NHEJ1: variants seen among roughly 807,000 people sequenced by gnomAD.
NHEJ1 encodes non-homologous end joining factor 1, also known as non-homologous end-joining factor 1.
NHEJ1 carries 22 observed loss-of-function variants against 39.4 expected under a neutral mutation model. That is an observed-to-expected ratio of 0.56 (90% CI 0.40 to 0.80). NHEJ1 has a LOEUF of 0.80. Ranked by LOEUF, NHEJ1 falls within the 30% of genes least tolerant of loss-of-function variation. The probability of loss-of-function intolerance (pLI) is 0.00; values close to 1 mark genes in which losing one functional copy is unlikely to be tolerated. For synonymous variants in NHEJ1, 154 were observed against 135.6 expected (o/e 1.14, Z -0.94); for missense variants, 329 against 357.1 (o/e 0.92, Z 0.63).
Position 219,152,789 on chromosome 2 carries a change from T to TTATTTTTATTTATTTATTTATTTA in NHEJ1, c.390+4682_390+4683insTAAATAAATAAATAAATAAAAATA, listed in dbSNP as rs60094718. Among the ~76,000 whole-genome samples, 13 of 87,784 alleles carry TTATTTTTATTTATTTATTTATTTA rather than the reference T, an allele frequency of 1.5e-4. No individual in the cohort carries two copies. The East Asian group carries it at 2.0e-3, about 13-fold the overall frequency. The allele number at this position is 87,784 out of a possible 152,430, so 57.6% of individuals were successfully genotyped here. ...GGATCTCTTTCATTTATTTATTTAT[T>TTATTTTTATTTATTTATTTATTTA]TTTATTTATTTATTTATTTATTTAT... is the stretch of plus-strand genomic sequence containing the variant. On this transcript the variant is annotated intron_variant, in intron 3 of 7. Transcript: ENST00000356853.
At chr2:219,127,516 C>T (rs1009563333) in intron 5 of NHEJ1, among the ~76,000 whole-genome samples, 5 of 152,218 alleles carry the variant, frequency 3.3e-5, no homozygotes, top group African/African-American at 1.2e-4. Context: ...AGTAACCCTG[C>T]CAGTAATCCA....
At chr2:219,114,666 T>C (rs958083349) in intron 5 of NHEJ1, among the ~76,000 whole-genome samples, 3 of 152,186 alleles carry the variant, frequency 2.0e-5, no homozygotes, top group Non-Finnish European at 4.4e-5. Flanking sequence ...GGGAGCAGAC[T>C]GCAAGCACGA....
In NHEJ1 at chr2:219,159,600, TGCATATATATACATATAC is replaced by T. The variant is rs1559206453; in HGVS notation, c.-1+1102_-1+1119del. Among the ~76,000 whole-genome samples the T allele has an allele frequency of 7.3e-4, 102 of 140,172 alleles. 2 individuals carry two copies. Among genetic ancestry groups the T allele is most frequent in the Middle Eastern group, 3.7e-3 (1 of 270 alleles). The allele number at this position is 140,172 out of a possible 152,430, so 92.0% of individuals were successfully genotyped here. A position where few individuals can be genotyped will look rare whatever the true frequency, so the allele number is the denominator to read the frequency against. On this transcript the variant is annotated intron_variant, in intron 1 of 7. Coordinates refer to ENST00000356853, the MANE Select transcript of NHEJ1 (RefSeq NM_024782.3). ...GCATATATATATGCATATATATATA[TGCATATATATACATATAC>T]GTGGTGATCTTTCTTTATGGCATCC...
rs1015740485 is a variant in NHEJ1 at position 219,074,674 on chromosome 2, G to A, written c.*1707C>T. ...GGAGAATCACTTGAACACAGGAGGT[G>A]GAGTTTGCAGTGAGCCAAAATTGTG... On this transcript the variant is annotated 3_prime_UTR_variant, in exon 8 of 8. Coordinates refer to ENST00000356853, the MANE Select transcript of NHEJ1 (RefSeq NM_024782.3). 5.3e-5 allele frequency among the ~76,000 whole-genome samples: 8 copies of A among 151,828 alleles called. No homozygotes were observed. The highest frequency in any genetic ancestry group is 1.3e-4 in the Admixed American group (2 of 15,254).
chr2:219,069,962 GAGAT>G lies in NHEJ1; in HGVS notation c.*6415_*6418del, dbSNP rs1948941557. 2.0e-5 allele frequency among the ~76,000 whole-genome samples: 3 copies of G among 152,222 alleles called. No individual in the cohort carries two copies. The highest frequency in any genetic ancestry group is 2.0e-4 in the Admixed American group (3 of 15,294). On this transcript the variant is annotated 3_prime_UTR_variant, in exon 8 of 8. Coordinates refer to ENST00000356853, the MANE Select transcript of NHEJ1 (RefSeq NM_024782.3). ...GGCTTGTAGGAAATGTATTGGGAATGAGATAGAGAAATCCACATTCAACAAGAAA... is the reference window on the plus strand; with the variant it reads ...GGCTTGTAGGAAATGTATTGGGAATGAGAGAAATCCACATTCAACAAGAAA...
chr2:219,092,789 G>A (rs1039485421), intron 5 of NHEJ1, among the ~76,000 whole-genome samples: 6 of 152,190 alleles, frequency 3.9e-5, no homozygotes, highest in African/African-American at 1.4e-4. Flanking sequence ...AAAGCCACAT[G>A]CCAGTCAATG....
intron 5 of NHEJ1, among the ~76,000 whole-genome samples, chr2:219,123,418 A>G (rs1258781043): frequency 6.6e-6 from 1 of 152,182 alleles, no homozygotes; most frequent in East Asian, 1.9e-4. Context: ...CCACCTACAG[A>G]TCCTCAACCC....
Position 219,075,174 on chromosome 2 carries a change from A to G in NHEJ1, c.*1207T>C, listed in dbSNP as rs1176520623. 6.6e-6 allele frequency: 1 copy of G among 152,206 alleles called. No individual in the cohort carries two copies. Among genetic ancestry groups the G allele is most frequent in the Non-Finnish European group, 1.5e-5 (1 of 68,046 alleles). The allele number at this position is 152,206 out of a possible 1,614,324, so 9.4% of individuals were successfully genotyped here. On this transcript the variant is annotated 3_prime_UTR_variant, in exon 8 of 8. Transcript: ENST00000356853. ...CTGGCTGTCACTTATTAGCTGTATG[A>G]CCTTTGATAAGTCACTTACTCACTT...
At chr2:219,134,918 T>C (rs1169988866) in intron 5 of NHEJ1, among the ~76,000 whole-genome samples, 1 of 151,838 alleles carries the variant, frequency 6.6e-6, no homozygotes, top group Non-Finnish European at 1.5e-5. Flanking sequence ...TGGGCTCCTG[T>C]AATCCCAGCT....
intron 5 of NHEJ1, among the ~76,000 whole-genome samples, chr2:219,121,013 A>G (rs772446543): frequency 9.2e-5 from 14 of 152,188 alleles, no homozygotes; most frequent in Non-Finnish European, 1.8e-4. Context: ...CCTGACCAAC[A>G]TGGTGAAACC....
At chr2:219,117,757 TGCG>T (rs1949429701) in intron 5 of NHEJ1, among the ~76,000 whole-genome samples, 1 of 152,214 alleles carries the variant, frequency 6.6e-6, no homozygotes, top group African/African-American at 2.4e-5. Context: ...TTATTAGCTG[TGCG>T]ACTTTGGACA....
chr2:219,147,726 C>A lies in NHEJ1; in HGVS notation c.460G>T (p.Ala154Ser), dbSNP rs766636405. The A allele has an allele frequency of 3.1e-6, 5 of 1,614,078 alleles. No individual in the cohort carries two copies. The African/African-American group carries it at 5.3e-5, about 17-fold the overall frequency. The part of the protein sequence containing the change: ...LALQCQVREL[A>S]TLLHMKDLEI... ...AGGTCTTTCATATGAAGTAACGTTG[C>A]TAGCTCCCTCACTTGGCACTGTAAT... Residue 154 changes from alanine (A) to serine (S), a missense_variant, in exon 4 of 8, where the codon GCA becomes TCA. Physicochemically the swap from Ala to Ser is moderately conservative, Grantham distance 99. Coordinates refer to ENST00000356853, the MANE Select transcript of NHEJ1 (RefSeq NM_024782.3).
intron 5 of NHEJ1, among the ~76,000 whole-genome samples, chr2:219,115,322 T>A (rs1422809379): frequency 1.3e-5 from 2 of 152,184 alleles, no homozygotes; most frequent in Admixed American, 1.3e-4. Flanking sequence ...AAAGTGGCCA[T>A]GCTATTACAG....
intron 1 of NHEJ1, chr2:219,159,385 A>G (rs1949888759): frequency 6.6e-6 from 1 of 151,836 alleles, no homozygotes. Flanking sequence ...GTCTACAAAT[A>G]TAAAATGAAC....
At chr2:219,081,951 G>A (rs1350512320) in intron 5 of NHEJ1, among the ~76,000 whole-genome samples, 2 of 152,212 alleles carry the variant, frequency 1.3e-5, no homozygotes, top group Non-Finnish European at 2.9e-5. Flanking sequence ...AGTTTGCAAA[G>A]GACTTCATTT....
intron 5 of NHEJ1, among the ~76,000 whole-genome samples, chr2:219,114,976 T>C (rs1949397260): frequency 6.6e-6 from 1 of 152,110 alleles, no homozygotes. Flanking sequence ...CTTTGACTAA[T>C]GTGAGAGGGG....
intron 5 of NHEJ1, 60 bp from the exon 6 acceptor site, chr2:219,078,266 T>C: frequency 7.2e-7 from 1 of 1,380,128 alleles, no homozygotes; most frequent in South Asian, 1.2e-5. Context: ...AGCGATCTAA[T>C]ACCCCACATG....
At chr2:219,153,060 C>G (rs530512531) in intron 3 of NHEJ1, among the ~76,000 whole-genome samples, 1 of 152,252 alleles carries the variant, frequency 6.6e-6, no homozygotes, top group East Asian at 1.9e-4. Context: ...GCCTCGGCCT[C>G]CCAAAGTGTT....
intron 5 of NHEJ1, among the ~76,000 whole-genome samples, chr2:219,085,575 C>T (rs886764887): frequency 1.3e-4 from 20 of 152,198 alleles, no homozygotes; most frequent in African/African-American, 4.3e-4. Flanking sequence ...CTGCTGCTGC[C>T]GACCTCGCCA....
Sources: allele counts gnomAD v4.1 joint callset (sites outside exome capture counted in the v4.1 genomes callset), GRCh38; gene constraint gnomAD v4.1.1; transcripts MANE v1.5; gene names NCBI Gene and HGNC (gene_info 2026-07-23, HGNC 2026-07-21).